Variants in MED12L observed in about 807,000 individuals in gnomAD.
The protein encoded by MED12L is mediator complex subunit 12L, also known as mediator of RNA polymerase II transcription subunit 12-like protein.
In MED12L, 60 loss-of-function variants were observed where a neutral mutation model predicts 281.3. That is an observed-to-expected ratio of 0.21 (90% confidence interval 0.17 to 0.26). The LOEUF is 0.26. Among genes scored for constraint, MED12L ranks in the 10% least tolerant of loss-of-function variants. The pLI is 1.00. For missense variants in MED12L, 2,146 were observed against 2,680.9 expected, an observed-to-expected ratio of 0.80 and a Z score of 4.41; for synonymous variants, 974 against 987.2, an observed-to-expected ratio of 0.99 and a Z score of 0.25.
intron 2 of MED12L, among the ~76,000 whole-genome samples, chr3:151,112,802 A>G (rs1227471951): frequency 6.6e-6 from 1 of 152,188 alleles, no homozygotes; most frequent in Non-Finnish European, 1.5e-5. Flanking sequence ...CTAGTTAGAA[A>G]CACAAATGAA....
chr3:151,388,040 G>T lies in MED12L; in HGVS notation c.5319G>T (p.Glu1773Asp). ...TGCCTCCTGAGGAGGAAGAGGAAGA[G>T]CCCACATCTCCAGTTTCTCAGGAAC... Reference protein sequence around the residue: ...LPLPPEEEEEEPTSPVSQEPE... With the variant: ...LPLPPEEEEEDPTSPVSQEPE... Residue 1773 changes from glutamate to aspartate, a missense_variant, in exon 37 of 45, where the codon GAG becomes GAT. Physicochemically the swap from Glu to Asp is conservative, Grantham distance 45 (BLOSUM62 2). Around this residue, in one of 9 missense-constraint regions of MED12L, gnomAD observed 496 missense variants for 512.0 expected, o/e 0.97. Coordinates refer to ENST00000687756, the MANE Select transcript of MED12L (RefSeq NM_001393769.1). 2.5e-6 allele frequency: 4 copies of T among 1,614,042 alleles called. No homozygotes were observed. The highest frequency in any genetic ancestry group is 3.4e-6 in the Non-Finnish European group (4 of 1,180,002).
intron 13 of MED12L, among the ~76,000 whole-genome samples, chr3:151,190,084 G>A (rs560221137): frequency 6.6e-6 from 1 of 152,142 alleles, no homozygotes; most frequent in African/African-American, 2.4e-5. Context: ...TAAAACCAGA[G>A]GACGGCAGTC....
At chr3:151,368,335 T>A in intron 25 of MED12L, 84 bp downstream of exon 25, 1 of 1,198,788 alleles carries the variant, frequency 8.3e-7, no homozygotes. Context: ...TCCCTTTCTG[T>A]AATTGCCTTC....
At chr3:151,122,666 T>C in intron 3 of MED12L, 117 bp from the exon 4 acceptor site, 1 of 705,278 alleles carries the variant, frequency 1.4e-6, no homozygotes, top group East Asian at 3.0e-5. Context: ...CCCAATTTAT[T>C]TTCTGATGGG....
intron 2 of MED12L, among the ~76,000 whole-genome samples, chr3:151,111,296 G>T (rs1408341607): frequency 6.6e-6 from 1 of 152,210 alleles, no homozygotes; most frequent in African/African-American, 2.4e-5. Context: ...ATGGTTGGGA[G>T]CATAGACTTT....
At chr3:151,090,828 T>A (rs1344776356) in intron 2 of MED12L, among the ~76,000 whole-genome samples, 1 of 151,984 alleles carries the variant, frequency 6.6e-6, no homozygotes, top group Non-Finnish European at 1.5e-5. Flanking sequence ...TCACCTGAGG[T>A]CAGGAGTTCG....
intron 16 of MED12L, among the ~76,000 whole-genome samples, chr3:151,320,355 G>T (rs150196084): frequency 6.6e-6 from 1 of 152,168 alleles, no homozygotes; most frequent in Non-Finnish European, 1.5e-5. Flanking sequence ...TCTCTTGAAT[G>T]CCCGTGTTGG....
At chr3:151,368,677 G>GTCATT (rs1755710787) in intron 25 of MED12L, among the ~76,000 whole-genome samples, 1 of 95,394 alleles carries the variant, frequency 1.0e-5, no homozygotes, top group African/African-American at 3.7e-5. Context: ...TTCATTTCAT[G>GTCATT]TCATTTCATT....
At chr3:151,103,313 GAATT>G (rs960082189) in intron 2 of MED12L, among the ~76,000 whole-genome samples, 33 of 152,258 alleles carry the variant, frequency 2.2e-4, no homozygotes, top group African/African-American at 7.2e-4. Context: ...ATTTGAATAT[GAATT>G]AATTAATGGG....
At chr3:151,190,331 C>T (rs1169475446) in intron 13 of MED12L, among the ~76,000 whole-genome samples, 1 of 152,040 alleles carries the variant, frequency 6.6e-6, no homozygotes, top group Admixed American at 6.6e-5. Context: ...ACCACCATGC[C>T]CAGCTAATTT....
chr3:151,432,547 G>A (rs878949723), intron 44 of MED12L, among the ~76,000 whole-genome samples: 6 of 152,240 alleles, frequency 3.9e-5, no homozygotes, highest in African/African-American at 1.4e-4. Flanking sequence ...GCATTGGCAA[G>A]TGTGGACTGT....
chr3:151,221,657 G>C (rs1453883512), intron 16 of MED12L, among the ~76,000 whole-genome samples: 1 of 152,234 alleles, frequency 6.6e-6, no homozygotes, highest in Admixed American at 6.5e-5. Flanking sequence ...CGAGTGCACA[G>C]AAGTCAAGAA....
At chr3:151,198,760 G>A in intron 16 of MED12L, 3 of 1,613,600 alleles carry the variant, frequency 1.9e-6, no homozygotes, top group Non-Finnish European at 2.5e-6. Context: ...CATTATCTTT[G>A]TTTCTGTAGA....
intron 16 of MED12L, among the ~76,000 whole-genome samples, chr3:151,318,558 A>T (rs1451325448): frequency 1.3e-5 from 2 of 152,166 alleles, no homozygotes; most frequent in African/African-American, 2.4e-5. Context: ...TAAAGGCATC[A>T]GTCAAAGGGA....
intron 16 of MED12L, among the ~76,000 whole-genome samples, chr3:151,268,130 A>G (rs1441242484): frequency 5.9e-5 from 9 of 152,156 alleles, no homozygotes; most frequent in Admixed American, 5.2e-4. Flanking sequence ...TTCAGCTTAC[A>G]TGTTTTCAAT....
At chr3:151,204,963 G>A (rs1180102409) in intron 16 of MED12L, among the ~76,000 whole-genome samples, 4 of 152,206 alleles carry the variant, frequency 2.6e-5, no homozygotes, top group African/African-American at 9.7e-5. Flanking sequence ...AAGTGCCCTT[G>A]TTCTCAGAGT....
chr3:151,320,366 T>C (rs1748855418), intron 16 of MED12L, among the ~76,000 whole-genome samples: 1 of 152,198 alleles, frequency 6.6e-6, no homozygotes, highest in Admixed American at 6.5e-5. Flanking sequence ...CCCGTGTTGG[T>C]CTTTTCCATG....
At chr3:151,403,454 AACTT>A (rs749264798) in intron 39 of MED12L, among the ~76,000 whole-genome samples, 3 of 152,180 alleles carry the variant, frequency 2.0e-5, no homozygotes, top group Non-Finnish European at 2.9e-5. Context: ...GTGGTTATGA[AACTT>A]ACCCTCTCAT....
At chr3:151,319,968 C>T (rs1748801464) in intron 16 of MED12L, among the ~76,000 whole-genome samples, 1 of 152,136 alleles carries the variant, frequency 6.6e-6, no homozygotes, top group South Asian at 2.1e-4. Flanking sequence ...TAAGATTACT[C>T]ATAAGCCTTT....
Sources: gnomAD v4.1 joint callset for allele counts (sites outside exome capture counted in the v4.1 genomes callset) on GRCh38, gnomAD v4.1.1 for gene constraint, gnomAD v4.1.1 regional missense constraint, MANE v1.5 for transcripts, NCBI Gene and HGNC (gene_info 2026-07-23, HGNC 2026-07-21) for gene names.